PPFIA3: variants seen among roughly 807,000 people sequenced by gnomAD.
PPFIA3 encodes liprin-alpha-3.
A neutral mutation model predicts 145.8 loss-of-function variants in PPFIA3; 26 were observed. That is an observed-to-expected ratio of 0.18 (90% CI 0.13 to 0.25). PPFIA3 has a LOEUF of 0.25. Ranked by LOEUF, PPFIA3 falls within the 10% of genes least tolerant of loss-of-function variation. The pLI is 1.00. For synonymous variants in PPFIA3, 645 were observed against 661.4 expected (o/e 0.98, Z 0.38); for missense variants, 1,008 against 1,587.8 (o/e 0.63, Z 6.21).
At chr19:49,139,460 G>C (rs2041183870) in intron 16 of PPFIA3, among the ~76,000 whole-genome samples, 2 of 146,076 alleles carry the variant, frequency 1.4e-5, no homozygotes, top group Non-Finnish European at 3.0e-5. Context: ...TTGCACTCCA[G>C]CCTGGGCCAC....
Position 49,128,838 on chromosome 19 carries a change from G to T in PPFIA3, c.343-10G>T. ...CCTCTTTTCCTTGACCCCATGCCGT[G>T]TGCTTGCAGCTGCTCCTGGAACACC... On this transcript the variant is annotated splice_polypyrimidine_tract_variant and intron_variant, in intron 3 of 29. Coordinates refer to ENST00000334186, the MANE Select transcript of PPFIA3 (RefSeq NM_003660.4). This position sits in a 1 kb window ranked among gnomAD's most constrained non-coding sequence, Gnocchi z 4.1. The T allele has an allele frequency of 6.3e-7, 1 of 1,585,438 alleles. No homozygotes were observed. The highest frequency in any genetic ancestry group is 8.6e-7 in the Non-Finnish European group (1 of 1,165,278).
At chr19:49,124,452 A>T (rs1410131940) in intron 1 of PPFIA3, among the ~76,000 whole-genome samples, 1 of 152,152 alleles carries the variant, frequency 6.6e-6, no homozygotes, top group Non-Finnish European at 1.5e-5. Context: ...TGCATTAGGT[A>T]TATTAATGGG....
At chr19:49,141,348 C>T in intron 18 of PPFIA3, 72 bp from the exon 19 acceptor site, 1 of 1,208,374 alleles carries the variant, frequency 8.3e-7, no homozygotes, top group Non-Finnish European at 1.2e-6. Context: ...GCATTTTCCT[C>T]ATCACCTCCA....
At chr19:49,126,749 C>T (rs754065760) in intron 1 of PPFIA3, among the ~76,000 whole-genome samples, 4 of 151,930 alleles carry the variant, frequency 2.6e-5, no homozygotes, top group Non-Finnish European at 5.9e-5. Context: ...GGCCCTGTGG[C>T]CTTCTTAAGG....
At chr19:49,142,733 T>C in intron 20 of PPFIA3, 71 bp from the exon 21 acceptor site, 2 of 1,300,812 alleles carry the variant, frequency 1.5e-6, no homozygotes, top group Non-Finnish European at 1.1e-6. Context: ...CACCTCCCTG[T>C]TCCCCCATCT....
chr19:49,132,390 CAAAAAAAAAAAAAAAAA>C (rs11351172), intron 7 of PPFIA3, among the ~76,000 whole-genome samples: 2 of 43,648 alleles, frequency 4.6e-5, no homozygotes, highest in Admixed American at 3.9e-4. Flanking sequence ...CTCTCTCTCT[CAAAAAAAAAAAAAAAAA>C]AAAAAAAAAA....
At chr19:49,121,547 C>T (rs918393242) in intron 1 of PPFIA3, among the ~76,000 whole-genome samples, 1 of 152,040 alleles carries the variant, frequency 6.6e-6, no homozygotes, top group African/African-American at 2.4e-5. Context: ...GAGGCTGAAG[C>T]GGGCGGATCA....
In PPFIA3 at chr19:49,130,661, G is replaced by A. The variant is rs749922774; in HGVS notation, c.879+62G>A. On this transcript the variant is annotated intron_variant, in intron 7 of 29. Coordinates refer to ENST00000334186, the MANE Select transcript of PPFIA3 (RefSeq NM_003660.4). The surrounding 1 kb of genome is among the most constrained non-coding windows in gnomAD (Gnocchi z 4.5). ...TCGCCTTTCCGTAGAGCTCTCCCTC[G>A]CGCATTGCTCATGAATGGCGGAACC... is the stretch of plus-strand genomic sequence containing the variant. 2.1e-6 allele frequency: 3 copies of A among 1,406,494 alleles called. No individual in the cohort carries two copies. Among genetic ancestry groups the A allele is most frequent in the Admixed American group, 2.2e-5 (1 of 46,508 alleles). The allele number at this position is 1,406,494 out of a possible 1,614,324, so 87.1% of individuals were successfully genotyped here.
At position 49,128,526 on chromosome 19, in the gene PPFIA3, G is replaced by T; in HGVS notation, c.342+58G>T. ...GGCGGGGCCTCGTGGTGTTGAAGTG[G>T]GGGGCGGGGCCTCTCAGTGTTGCAG... On this transcript the variant is annotated intron_variant, in intron 3 of 29. Transcript: ENST00000334186. The surrounding 1 kb of genome is among the most constrained non-coding windows in gnomAD (Gnocchi z 4.1). 1 of 1,461,762 alleles carries T rather than the reference G, an allele frequency of 6.8e-7. No homozygotes were observed. Among genetic ancestry groups the T allele is most frequent in the South Asian group, 1.1e-5 (1 of 87,258 alleles). 90.5% of individuals were successfully genotyped at this position (1,461,762 alleles called of 1,614,324 possible). A position where few individuals can be genotyped will look rare whatever the true frequency, so the allele number is the denominator to read the frequency against.
chr19:49,149,111 G>C lies in PPFIA3; in HGVS notation c.3228G>C (p.Glu1076Asp). ...GVHGALLALD[E>D]TFDYSDLALL... ...ACGGGGCACTGCTCGCCCTGGACGA[G>C]ACCTTCGACTACTCCGACCTGGCCT... Residue 1076 changes from glutamate to aspartate, a missense_variant, in exon 26 of 30, where the codon GAG (glutamate) becomes GAC (aspartate). Glu to Asp is a conservative substitution (Grantham distance 45). Transcript: ENST00000334186. The surrounding 1 kb of genome is among the most constrained non-coding windows in gnomAD (Gnocchi z 5.7). The C allele has an allele frequency of 1.2e-6, 2 of 1,614,204 alleles. No individual in the cohort carries two copies. Among genetic ancestry groups the C allele is most frequent in the Non-Finnish European group, 1.7e-6 (2 of 1,180,042 alleles).
At chr19:49,144,167 C>T (rs956752045) in intron 21 of PPFIA3, among the ~76,000 whole-genome samples, 14 of 151,982 alleles carry the variant, frequency 9.2e-5, no homozygotes, top group Middle Eastern at 3.2e-3. Context: ...CCCACCACCA[C>T]GCCCTGCTAA....
chr19:49,144,600 G>C (rs1442750845), intron 21 of PPFIA3, among the ~76,000 whole-genome samples: 1 of 152,048 alleles, frequency 6.6e-6, no homozygotes, highest in African/African-American at 2.4e-5. Flanking sequence ...TGTAGTCCTA[G>C]CTACTCAGGA....
At chr19:49,144,884 C>G (rs561679130) in intron 21 of PPFIA3, among the ~76,000 whole-genome samples, 10 of 151,972 alleles carry the variant, frequency 6.6e-5, no homozygotes, top group Non-Finnish European at 1.3e-4. Flanking sequence ...TTTATCACAC[C>G]TAAGGGCATT....
At chr19:49,148,801 G>T in intron 25 of PPFIA3, 38 bp downstream of exon 25, 1 of 1,584,348 alleles carries the variant, frequency 6.3e-7, no homozygotes. Context: ...GAGCCAGGTG[G>T]AGGGCGTGGA....
At position 49,139,774 on chromosome 19, in the gene PPFIA3, C is replaced by A. The variant is rs747682585; in HGVS notation, c.2183C>A (p.Thr728Asn). Residue 728 changes from threonine to asparagine, a missense_variant, in exon 17 of 30, where the codon ACC (threonine) becomes AAC (asparagine). Thr to Asn is a moderately conservative substitution (Grantham distance 65). Transcript: ENST00000334186. ...TPRSARLERMTQALALQAGSL... is the reference protein window; with the variant it reads ...TPRSARLERMNQALALQAGSL... ...CGCTCTGCCCGTCTTGAGAGAATGA[C>A]CCAGGCCTTGGCACTGCAGGCGGGG... is the stretch of plus-strand genomic sequence containing the variant. 1.4e-5 allele frequency: 22 copies of A among 1,613,768 alleles called. No homozygotes were observed. In the African/African-American group the frequency reaches 2.5e-4, roughly 19 times the overall value.
At position 49,143,091 on chromosome 19, in the gene PPFIA3, TC is replaced by T. The variant is rs2041242564; in HGVS notation, c.2745+91del. 1.8e-5 allele frequency: 26 copies of T among 1,414,164 alleles called. No homozygotes were observed. The South Asian group carries it at 3.1e-4, about 17-fold the overall frequency. The allele number at this position is 1,414,164 out of a possible 1,614,324, so 87.6% of individuals were successfully genotyped here. On this transcript the variant is annotated intron_variant, in intron 21 of 29. Coordinates refer to ENST00000334186, the MANE Select transcript of PPFIA3 (RefSeq NM_003660.4). Reference sequence around the variant, plus strand: ...TCTAGCCAATCCTGGGCCTGCTCACTCCCCTGTCCCACGACCCTGCTTCTCA... The same window carrying T: ...TCTAGCCAATCCTGGGCCTGCTCACTCCCTGTCCCACGACCCTGCTTCTCA...
rs999973857 is a variant in PPFIA3 at position 49,145,811 on chromosome 19, C to T, written c.2746-132C>T. On this transcript the variant is annotated intron_variant, in intron 21 of 29. Transcript: ENST00000334186. ...CCCTATAATAAGAATCATTCCTTTTCTCTGTTACTGCTTGCCCCAGAAAGC... is the reference window on the plus strand; with the variant it reads ...CCCTATAATAAGAATCATTCCTTTTTTCTGTTACTGCTTGCCCCAGAAAGC... The T allele has an allele frequency of 4.2e-5, 33 of 780,422 alleles. No individual in the cohort carries two copies. In the East Asian group the frequency reaches 8.2e-4, roughly 19 times the overall value. 48.3% of individuals were successfully genotyped at this position (780,422 alleles called of 1,614,324 possible). A position where few individuals can be genotyped will look rare whatever the true frequency, so the allele number is the denominator to read the frequency against.
chr19:49,130,706 G>T lies in PPFIA3; in HGVS notation c.879+107G>T. 1 of 917,182 alleles carries T rather than the reference G, an allele frequency of 1.1e-6. No individual in the cohort carries two copies. 56.8% of individuals were successfully genotyped at this position (917,182 alleles called of 1,614,324 possible). On this transcript the variant is annotated intron_variant, in intron 7 of 29. Coordinates refer to ENST00000334186, the MANE Select transcript of PPFIA3 (RefSeq NM_003660.4). The surrounding 1 kb of genome is among the most constrained non-coding windows in gnomAD (Gnocchi z 4.5). ...GGAACCTCGATTCAGTCCACAGGCTGGGTGACTCCTCTTTGAGATTCAGTT... is the reference window on the plus strand; with the variant it reads ...GGAACCTCGATTCAGTCCACAGGCTTGGTGACTCCTCTTTGAGATTCAGTT...
intron 14 of PPFIA3, 93 bp downstream of exon 14, chr19:49,136,016 T>C: frequency 7.3e-7 from 1 of 1,367,038 alleles, no homozygotes; most frequent in Non-Finnish European, 9.6e-7. Context: ...GGGAGGAAGC[T>C]GGGTTGAGAG....
Sources: gnomAD v4.1 joint callset for allele counts (sites outside exome capture counted in the v4.1 genomes callset) on GRCh38, gnomAD v4.1.1 for gene constraint, Gnocchi (gnomAD v3.1) non-coding constraint, MANE v1.5 for transcripts, NCBI Gene and HGNC (gene_info 2026-07-23, HGNC 2026-07-21) for gene names.